The following KLHL41 variants were observed in gnomAD, a reference collection of about 807,000 sequenced individuals.
The protein encoded by KLHL41 is kelch like family member 41.
KLHL41 carries 31 observed loss-of-function variants against 49.2 expected under a neutral mutation model. The observed-to-expected ratio is 0.63, with a 90% CI of 0.47 to 0.85. KLHL41 has a LOEUF of 0.85. Among genes scored for constraint, KLHL41 ranks in the 40% least tolerant of loss-of-function variants. The pLI is 0.00. For missense variants in KLHL41, 663 were observed against 726.7 expected (o/e 0.91, Z 1.01); for synonymous variants, 218 against 258.5 (o/e 0.84, Z 1.50).
In KLHL41 at chr2:169,518,194, T is replaced by C. The variant is rs1559131346; in HGVS notation, c.1381T>C (p.Cys461Arg). 14 of 1,606,810 alleles carry C rather than the reference T, an allele frequency of 8.7e-6. No homozygotes were observed. Among genetic ancestry groups the C allele is most frequent in the Non-Finnish European group, 1.1e-5 (13 of 1,176,550 alleles). The change falls in exon 4 of 6, where the codon TGT becomes CGT. Residue 461 changes from cysteine to arginine, a missense_variant. Cys to Arg is a radical substitution (Grantham distance 180). Transcript: ENST00000284669. ...CATTTGTTTTTCTGTTTACAGAAAA[T>C]GTACAAACAGGGTGTTTATCTTCAA... The part of the protein sequence containing the change: ...CLGGKTDDKK[C>R]TNRVFIFNPK...
At chr2:169,516,373 A>G (rs1167241859) in intron 3 of KLHL41, among the ~76,000 whole-genome samples, 1 of 152,214 alleles carries the variant, frequency 6.6e-6, no homozygotes, top group African/African-American at 2.4e-5. Context: ...GTATTCAAAG[A>G]TAACATATTC....
At chr2:169,514,457 G>T (rs922428100) in intron 1 of KLHL41, 117 bp from the exon 2 acceptor site, 2 of 702,916 alleles carry the variant, frequency 2.8e-6, no homozygotes, top group African/African-American at 1.8e-5. Context: ...TTATTTACTT[G>T]TGAGATATTT....
At chr2:169,513,183 T>A (rs1036462595) in intron 1 of KLHL41, among the ~76,000 whole-genome samples, 6 of 152,212 alleles carry the variant, frequency 3.9e-5, no homozygotes, top group Non-Finnish European at 7.4e-5. Flanking sequence ...GTTTCCATTT[T>A]TTAAAACCAA....
At chr2:169,516,236 T>G (rs1274082004) in intron 3 of KLHL41, among the ~76,000 whole-genome samples, 2 of 152,182 alleles carry the variant, frequency 1.3e-5, no homozygotes, top group Non-Finnish European at 2.9e-5. Context: ...GAGTAAAATA[T>G]AGAAATGTGT....
intron 4 of KLHL41, among the ~76,000 whole-genome samples, chr2:169,520,330 G>GTGTGTGTGTGTGTGTGTGTGTGT (rs1684184636): frequency 6.7e-6 from 1 of 148,180 alleles, no homozygotes; most frequent in Admixed American, 6.8e-5. Flanking sequence ...GTGTGTGTGT[G>GTGTGTGTGTGTGTGTGTGTGTGT]GAGGCAGTCC....
chr2:169,522,450 A>G (rs1253161866), intron 5 of KLHL41, among the ~76,000 whole-genome samples: 2 of 152,180 alleles, frequency 1.3e-5, no homozygotes, highest in Admixed American at 6.5e-5. Context: ...TTAGCAAAAC[A>G]GTGAGATGGG....
At chr2:169,511,925 A>C (rs1212028432) in intron 1 of KLHL41, among the ~76,000 whole-genome samples, 1 of 152,230 alleles carries the variant, frequency 6.6e-6, no homozygotes, top group Non-Finnish European at 1.5e-5. Flanking sequence ...GAGTTGGCTT[A>C]ACCTTTGTCT....
chr2:169,515,000 C>T, intron 3 of KLHL41, 39 bp downstream of exon 3: 5 of 1,183,812 alleles, frequency 4.2e-6, no homozygotes, highest in Non-Finnish European at 4.8e-6. Context: ...GTCTAAATGA[C>T]TTTTTATTAG....
Position 169,510,061 on chromosome 2 carries a change from A to T in KLHL41, c.283A>T (p.Ser95Cys). Residue 95 changes from serine (S) to cysteine (C), a missense_variant, in exon 1 of 6, where the codon AGT (serine) becomes TGT (cysteine). Ser to Cys is a moderately radical substitution (Grantham distance 112). This residue lies in a region of KLHL41 where 129 missense variants were observed against 122.1 expected (regional missense o/e 1.06). Coordinates refer to ENST00000284669, the MANE Select transcript of KLHL41 (RefSeq NM_006063.3). The surrounding 1 kb of genome is among the most constrained non-coding windows in gnomAD (Gnocchi z 4.2). ...DLIIKYLYSA[S>C]IDLNDGNVQD... ...AATCATCAAATACCTGTACTCTGCCAGTATTGATCTCAATGACGGAAATGT... is the reference window on the plus strand; with the variant it reads ...AATCATCAAATACCTGTACTCTGCCTGTATTGATCTCAATGACGGAAATGT... The T allele has an allele frequency of 6.2e-7, 1 of 1,614,190 alleles. No homozygotes were observed. The highest frequency in any genetic ancestry group is 1.1e-5 in the South Asian group (1 of 91,084).
chr2:169,517,862 A>G (rs1684139540), intron 3 of KLHL41, among the ~76,000 whole-genome samples: 1 of 152,202 alleles, frequency 6.6e-6, no homozygotes, highest in Non-Finnish European at 1.5e-5. Flanking sequence ...TTGAGGTGCA[A>G]TAAAAGGTTT....
Position 169,521,640 on chromosome 2 carries a change from G to A in KLHL41, c.1709+633G>A, listed in dbSNP as rs189024590. Among the ~76,000 whole-genome samples, 262 of 152,212 alleles carry A rather than the reference G, an allele frequency of 1.7e-3. 1 individual carries two copies. Among genetic ancestry groups the A allele is most frequent in the African/African-American group, 5.9e-3 (246 of 41,522 alleles). The stretch of plus-strand genomic sequence containing the variant: ...ACTCCTGACCTCAGGTGATCCACCC[G>A]CCTCAATCTCCCAAAGTGCTAGGAT... On this transcript the variant is annotated intron_variant, in intron 5 of 5. Coordinates refer to ENST00000284669, the MANE Select transcript of KLHL41 (RefSeq NM_006063.3).
At chr2:169,523,297 G>A (rs1038271824) in intron 5 of KLHL41, among the ~76,000 whole-genome samples, 13 of 152,294 alleles carry the variant, frequency 8.5e-5, no homozygotes, top group African/African-American at 3.1e-4. Context: ...TTGCCTGCAC[G>A]TTCGAATCAC....
At chr2:169,524,418 CTTTTTTT>C (rs113248017) in intron 5 of KLHL41, among the ~76,000 whole-genome samples, 3,301 of 116,014 alleles carry the variant, frequency 0.028, 130 homozygotes, top group African/African-American at 0.098. Context: ...TGGGGTAAAT[CTTTTTTT>C]TTTTTTTTTT....
intron 4 of KLHL41, among the ~76,000 whole-genome samples, chr2:169,520,314 G>GTC (rs769278041): frequency 9.7e-6 from 1 of 103,444 alleles, no homozygotes. Flanking sequence ...GTGTGTGTAT[G>GTC]TGTGTGTGTG....
Position 169,525,598 on chromosome 2 carries a change from A to C in KLHL41, c.1723A>C (p.Lys575Gln). The C allele has an allele frequency of 6.2e-7, 1 of 1,609,888 alleles. No homozygotes were observed. Reference sequence around the variant, plus strand: ...TTCCTCCATCAGGTATGAAGATGATAAAAAAGAATGGGCTGGGATGTTGAA... The same window carrying C: ...TTCCTCCATCAGGTATGAAGATGATCAAAAAGAATGGGCTGGGATGTTGAA... ...VNDIWKYEDDKKEWAGMLKEI... is the reference protein window; with the variant it reads ...VNDIWKYEDDQKEWAGMLKEI... Residue 575 changes from lysine to glutamine, a missense_variant, in exon 6 of 6, where the codon AAA (lysine) becomes CAA (glutamine). By Grantham distance (53) the Lys-to-Gln change is moderately conservative (BLOSUM62 1). This residue lies in a region of KLHL41 where 528 missense variants were observed against 581.0 expected (regional missense o/e 0.91). Transcript: ENST00000284669.
intron 1 of KLHL41, 98 bp from the exon 2 acceptor site, chr2:169,514,476 C>T (rs762379384): frequency 4.4e-6 from 4 of 908,910 alleles, no homozygotes; most frequent in African/African-American, 1.7e-5. Context: ...TTGACTATCT[C>T]GATGACTTCT....
rs768442917 is a variant in KLHL41 at position 169,518,421 on chromosome 2, TTTAA to T, written c.1562+49_1562+52del. 1.0e-5 allele frequency: 14 copies of T among 1,369,470 alleles called. No homozygotes were observed. The South Asian group carries it at 1.4e-4, about 14-fold the overall frequency. The allele number at this position is 1,369,470 out of a possible 1,614,324, so 84.8% of individuals were successfully genotyped here. ...ATATAGCATGTGAACAACTATACAT[TTTAA>T]TTGTTAACTTTGGATAAAAAGTTAT... On this transcript the variant is annotated intron_variant, in intron 4 of 5. Transcript: ENST00000284669.
At position 169,510,988 on chromosome 2, in the gene KLHL41, C is replaced by A; in HGVS notation, c.1110+100C>A. ...AATTATTCAAGCTGCTTGCATTTTA[C>A]TCTAATTGATGTCCTATTCCAGTCC... On this transcript the variant is annotated intron_variant, in intron 1 of 5. Coordinates refer to ENST00000284669, the MANE Select transcript of KLHL41 (RefSeq NM_006063.3). This position sits in a 1 kb window ranked among gnomAD's most constrained non-coding sequence, Gnocchi z 4.2. 2.0e-6 allele frequency: 2 copies of A among 1,006,766 alleles called. No homozygotes were observed. Among genetic ancestry groups the A allele is most frequent in the Non-Finnish European group, 3.0e-6 (2 of 675,534 alleles). 62.4% of individuals were successfully genotyped at this position (1,006,766 alleles called of 1,614,324 possible).
intron 3 of KLHL41, among the ~76,000 whole-genome samples, chr2:169,515,553 T>A (rs1006728833): frequency 7.9e-5 from 12 of 152,228 alleles, no homozygotes; most frequent in Admixed American, 7.2e-4. Context: ...TTTATAATTG[T>A]ATTTTACTAC....
Sources: gnomAD v4.1 joint callset for allele counts (sites outside exome capture counted in the v4.1 genomes callset) on GRCh38, gnomAD v4.1.1 for gene constraint, gnomAD v4.1.1 regional missense constraint, Gnocchi (gnomAD v3.1) non-coding constraint, MANE v1.5 for transcripts, NCBI Gene and HGNC (gene_info 2026-07-23, HGNC 2026-07-21) for gene names.